Variants in CDHR2 observed in about 807,000 individuals in gnomAD.
CDHR2 encodes the protein cadherin-related family member 2.
A neutral mutation model predicts 138.6 loss-of-function variants in CDHR2; 104 were observed. That is an observed-to-expected ratio of 0.75 (90% CI 0.64 to 0.88). The LOEUF is 0.88. Among genes scored for constraint, CDHR2 ranks in the 40% least tolerant of loss-of-function variants. CDHR2 has a pLI of 0.00. For missense variants in CDHR2, 1,624 were observed against 1,727.6 expected, an observed-to-expected ratio of 0.94 and a Z score of 1.06; for synonymous variants, 755 against 742.8, an observed-to-expected ratio of 1.02 and a Z score of -0.27.
At chr5:176,558,085 G>A (rs1757881754) in intron 1 of CDHR2, among the ~76,000 whole-genome samples, 1 of 152,094 alleles carries the variant, frequency 6.6e-6, no homozygotes, top group Admixed American at 6.5e-5. Flanking sequence ...CGCATGGTAA[G>A]GTTGTAGTCC....
Position 176,563,516 on chromosome 5 carries a change from G to T in CDHR2, c.-15-1822G>T, listed in dbSNP as rs114014184. The stretch of plus-strand genomic sequence containing the variant: ...AAAAAAAAAACCCTCATGGCAGTTA[G>T]AACAGAGTTTCTTCTGTAGGGCTGC... On this transcript the variant is annotated intron_variant, in intron 1 of 31. Transcript: ENST00000261944. 8.5e-3 allele frequency among the ~76,000 whole-genome samples: 1,290 copies of T among 152,212 alleles called. 14 individuals are homozygous for T. Among genetic ancestry groups the T allele is most frequent in the African/African-American group, 0.029 (1,189 of 41,534 alleles).
intron 24 of CDHR2, 36 bp downstream of exon 24, chr5:176,589,652 G>C: frequency 6.3e-7 from 1 of 1,588,016 alleles, no homozygotes. Context: ...GGGGTAGGAA[G>C]AACAGGGTGT....
intron 30 of CDHR2, among the ~76,000 whole-genome samples, chr5:176,592,300 G>GAT (rs1758895507): frequency 7.4e-6 from 1 of 135,776 alleles, no homozygotes; most frequent in African/African-American, 3.1e-5. Context: ...TGGTGGTGAT[G>GAT]GTGATGGTGG....
At position 176,584,559 on chromosome 5, in the gene CDHR2, C is replaced by T. The variant is rs992731877; in HGVS notation, c.2278C>T (p.Leu760=). Residue 760 remains leucine (L), a synonymous_variant, in exon 19 of 32, where the codon CTG becomes TTG. Transcript: ENST00000261944. ...GAGWAEGYLR[L]PPDVSLDYET... is the part of the protein sequence containing the mutation. ...TGGGTGGGCTGAGGGCTACCTCCGG[C>T]TGCCCCCGGACGTGAGCCTGGATTA... The T allele has an allele frequency of 6.2e-7, 1 of 1,612,020 alleles. No individual in the cohort carries two copies. Among genetic ancestry groups the T allele is most frequent in the Non-Finnish European group, 8.5e-7 (1 of 1,178,774 alleles).
intron 1 of CDHR2, among the ~76,000 whole-genome samples, chr5:176,551,095 G>A (rs573548366): frequency 6.6e-6 from 1 of 151,984 alleles, no homozygotes; most frequent in East Asian, 2.0e-4. Flanking sequence ...TGCAACCTGT[G>A]CCTCCCTGGT....
At chr5:176,564,822 T>C (rs547236122) in intron 1 of CDHR2, among the ~76,000 whole-genome samples, 1 of 152,090 alleles carries the variant, frequency 6.6e-6, no homozygotes, top group African/African-American at 2.4e-5. Flanking sequence ...TGCCCACCCA[T>C]AGTCTCTGGA....
rs185910176 is a variant in CDHR2, at chr5:176,560,323, G to T, written c.-15-5015G>T. Reference sequence around the variant, plus strand: ...AGGCAGGAGAATCACTTGAACCCAGGGGGTGGAGGTTGCAGTGAGCCAAGA... The same window carrying T: ...AGGCAGGAGAATCACTTGAACCCAGTGGGTGGAGGTTGCAGTGAGCCAAGA... On this transcript the variant is annotated intron_variant, in intron 1 of 31. Coordinates refer to ENST00000261944, the MANE Select transcript of CDHR2 (RefSeq NM_017675.6). 2.8e-3 allele frequency among the ~76,000 whole-genome samples: 430 copies of T among 152,120 alleles called. 1 individual carries two copies. Among genetic ancestry groups the T allele is most frequent in the East Asian group, 0.024 (122 of 5,170 alleles).
At chr5:176,544,582 G>A (rs1163098935), upstream of CDHR2, among the ~76,000 whole-genome samples, 1 of 152,094 alleles carries the variant, frequency 6.6e-6, no homozygotes, top group African/African-American at 2.4e-5. Flanking sequence ...TGGGGTTACA[G>A]GTGTATGGCG....
intron 1 of CDHR2, among the ~76,000 whole-genome samples, chr5:176,552,691 T>A (rs1355097463): frequency 6.6e-6 from 1 of 152,134 alleles, no homozygotes; most frequent in African/African-American, 2.4e-5. Context: ...GCCAGCCTCA[T>A]CATGATCATG....
In CDHR2 at chr5:176,591,444, T is replaced by A. The variant is rs1173058715; in HGVS notation, c.3694T>A (p.Leu1232Met). The A allele has an allele frequency of 6.2e-7, 1 of 1,613,978 alleles. No homozygotes were observed. Among genetic ancestry groups the A allele is most frequent in the East Asian group, 2.2e-5 (1 of 44,888 alleles). ...MLNLPNKDLGLEYLSPSNDLD... is the reference protein window; with the variant it reads ...MLNLPNKDLGMEYLSPSNDLD... ...GAACCTCCCCAACAAAGACCTGGGC[T>A]TGGAGTACCTCTCTCCCTCCAATGA... Residue 1232 changes from leucine to methionine, a missense_variant, in exon 30 of 32, where the codon TTG becomes ATG. Leu to Met is a conservative substitution (Grantham distance 15). Transcript: ENST00000261944.
chr5:176,578,397 G>A lies in CDHR2; in HGVS notation c.1607G>A (p.Gly536Glu). 6.2e-7 allele frequency: 1 copy of A among 1,613,942 alleles called. No homozygotes were observed. The highest frequency in any genetic ancestry group is 1.3e-5 in the African/African-American group (1 of 75,072). The change falls in exon 16 of 32, where the codon GGG becomes GAG. Residue 536 changes from glycine (G) to glutamate (E), a missense_variant. By Grantham distance (98) the Gly-to-Glu change is moderately conservative (BLOSUM62 -2). This residue lies in a region of CDHR2 where 1,061 missense variants were observed against 1,136.6 expected (regional missense o/e 0.93). Transcript: ENST00000261944. ...ADLFQVDPVS[G>E]TVTVRNGELL... ...CTCTTCCAAGTGGATCCCGTCTCAG[G>A]GACGGTGACGGTGAGGAACGGTGAG...
intron 15 of CDHR2, 29 bp from the exon 16 acceptor site, chr5:176,578,336 T>G (rs1380298790): frequency 1.3e-6 from 2 of 1,594,330 alleles, no homozygotes; most frequent in Admixed American, 3.5e-5. Context: ...CCTGTGTCTC[T>G]ATTTGCTGAA....
At chr5:176,583,773 T>C (rs1227933539) in intron 17 of CDHR2, among the ~76,000 whole-genome samples, 3 of 152,136 alleles carry the variant, frequency 2.0e-5, no homozygotes, top group African/African-American at 4.8e-5. Flanking sequence ...CAAGGGAAAG[T>C]GTGGGCCTTG....
At chr5:176,551,867 AAT>A (rs141113855) in intron 1 of CDHR2, among the ~76,000 whole-genome samples, 8 of 16,332 alleles carry the variant, frequency 4.9e-4, no homozygotes, top group South Asian at 0.045. Flanking sequence ...ACGCCTGGCT[AAT>A]ATTTTTTTTT....
At chr5:176,568,059 G>A (rs988824789) in intron 3 of CDHR2, among the ~76,000 whole-genome samples, 2 of 152,274 alleles carry the variant, frequency 1.3e-5, no homozygotes, top group Admixed American at 6.5e-5. Context: ...TTCATGAAAA[G>A]AAGAAAGTCC....
chr5:176,575,237 T>G, intron 8 of CDHR2, 28 bp downstream of exon 8: 1 of 1,614,086 alleles, frequency 6.2e-7, no homozygotes, highest in Non-Finnish European at 8.5e-7. Context: ...CAGGCGGGCC[T>G]AGGACCCACG....
intron 1 of CDHR2, among the ~76,000 whole-genome samples, chr5:176,563,691 A>G (rs556353259): frequency 4.6e-5 from 7 of 152,302 alleles, no homozygotes; most frequent in African/African-American, 1.7e-4. Context: ...AGAGAAGGGT[A>G]TAATGAGGCA....
In CDHR2 at chr5:176,568,663, C is replaced by A; in HGVS notation, c.125-15C>A. ...GGTGGCTGTGGACCCTGGGTGGCCC[C>A]TGTCCCATCCCCAGGTGCCCAGGCC... On this transcript the variant is annotated splice_polypyrimidine_tract_variant and intron_variant, in intron 3 of 31. Coordinates refer to ENST00000261944, the MANE Select transcript of CDHR2 (RefSeq NM_017675.6). The A allele has an allele frequency of 6.2e-7, 1 of 1,613,494 alleles. No homozygotes were observed. Among genetic ancestry groups the A allele is most frequent in the Non-Finnish European group, 8.5e-7 (1 of 1,179,624 alleles).
intron 31 of CDHR2, among the ~76,000 whole-genome samples, chr5:176,594,463 C>T (rs1758967686): frequency 6.6e-6 from 1 of 152,186 alleles, no homozygotes; most frequent in South Asian, 2.1e-4. Context: ...TCACTCTAAC[C>T]TCCCCAAGTA....
Sources: gnomAD v4.1 joint callset for allele counts (sites outside exome capture counted in the v4.1 genomes callset) on GRCh38, gnomAD v4.1.1 for gene constraint, gnomAD v4.1.1 regional missense constraint, MANE v1.5 for transcripts, NCBI Gene and HGNC (gene_info 2026-07-23, HGNC 2026-07-21) for gene names.